Variants in COL25A1 observed in about 807,000 individuals in gnomAD.
The protein encoded by COL25A1 is collagen type XXV alpha 1 chain.
In COL25A1, 103 loss-of-function variants were observed where a neutral mutation model predicts 128.4. The observed-to-expected ratio is 0.80, with a 90% confidence interval of 0.68 to 0.94. COL25A1 has a LOEUF of 0.94. COL25A1 is among the 40% of genes least tolerant of loss of function. The probability of loss-of-function intolerance (pLI) is 0.00; values close to 1 mark genes in which losing one functional copy is unlikely to be tolerated. For synonymous variants in COL25A1, 279 were observed against 277.2 expected, an observed-to-expected ratio of 1.01 and a Z score of -0.06; for missense variants, 745 against 840.0, an observed-to-expected ratio of 0.89 and a Z score of 1.40.
Position 108,901,118 on chromosome 4 carries a change from C to G in COL25A1, c.834+1G>C. The G allele has an allele frequency of 1.9e-6, 3 of 1,610,570 alleles. No homozygotes were observed. Among genetic ancestry groups the G allele is most frequent in the Non-Finnish European group, 2.5e-6 (3 of 1,177,140 alleles). ...TTCTGCTTGGCTTTATTTGTACTAACCTTAGGTCCTGGTATTCCATTCTGT... is the reference window on the plus strand; with the variant it reads ...TTCTGCTTGGCTTTATTTGTACTAAGCTTAGGTCCTGGTATTCCATTCTGT... On this transcript the variant is annotated splice_donor_variant, in intron 14 of 37. Coordinates refer to ENST00000399132, the MANE Select transcript of COL25A1 (RefSeq NM_198721.4). LOFTEE classifies it high-confidence loss of function.
intron 3 of COL25A1, among the ~76,000 whole-genome samples, chr4:109,128,970 AAC>A (rs1768899617): frequency 6.6e-6 from 1 of 152,176 alleles, no homozygotes; most frequent in South Asian, 2.1e-4. Flanking sequence ...GAGATTTTAA[AAC>A]ACAGATTCGC....
chr4:108,883,153 T>C (rs1220670330), intron 19 of COL25A1, among the ~76,000 whole-genome samples: 1 of 152,064 alleles, frequency 6.6e-6, no homozygotes, highest in African/African-American at 2.4e-5. Context: ...GAGAGCCTCC[T>C]GCCTCAGCCT....
rs1742793075 is a variant in COL25A1 at position 108,901,112 on chromosome 4, T to C, written c.834+7A>G. 1.2e-6 allele frequency: 2 copies of C among 1,607,860 alleles called. No homozygotes were observed. Among genetic ancestry groups the C allele is most frequent in the South Asian group, 1.1e-5 (1 of 90,818 alleles). On this transcript the variant is annotated splice_region_variant and intron_variant, in intron 14 of 37. Coordinates refer to ENST00000399132, the MANE Select transcript of COL25A1 (RefSeq NM_198721.4). ...AAATGATTCTGCTTGGCTTTATTTG[T>C]ACTAACCTTAGGTCCTGGTATTCCA...
At chr4:108,817,942 C>G (rs1415541131) in intron 36 of COL25A1, among the ~76,000 whole-genome samples, 2 of 152,112 alleles carry the variant, frequency 1.3e-5, no homozygotes, top group Non-Finnish European at 2.9e-5. Context: ...AAAGTAAATA[C>G]AGTAGAACAT....
chr4:109,113,271 A>T (rs1039397623), intron 3 of COL25A1, among the ~76,000 whole-genome samples: 2 of 152,084 alleles, frequency 1.3e-5, no homozygotes, highest in African/African-American at 4.8e-5. Flanking sequence ...CTGGGAAGAG[A>T]TTTGTCACCA....
intron 3 of COL25A1, among the ~76,000 whole-genome samples, chr4:109,154,528 G>C (rs926713130): frequency 6.6e-6 from 1 of 152,172 alleles, no homozygotes; most frequent in Non-Finnish European, 1.5e-5. Flanking sequence ...GGACTGCATG[G>C]TGTGACTGTT....
intron 3 of COL25A1, among the ~76,000 whole-genome samples, chr4:109,120,049 T>C (rs1409089586): frequency 1.3e-5 from 2 of 152,102 alleles, no homozygotes; most frequent in Non-Finnish European, 2.9e-5. Context: ...GGTCTGCATC[T>C]ATAGATTCAG....
At chr4:109,242,323 C>A (rs1179706777) in intron 3 of COL25A1, among the ~76,000 whole-genome samples, 3 of 152,084 alleles carry the variant, frequency 2.0e-5, no homozygotes, top group Non-Finnish European at 4.4e-5. Context: ...AAGGCAAATA[C>A]TAACCTTGGA....
rs535820725 is a variant in COL25A1, at chr4:108,841,463, T to C, written c.1656+232A>G. Among the ~76,000 whole-genome samples, 13 of 152,258 alleles carry C rather than the reference T, an allele frequency of 8.5e-5. 1 individual carries two copies. In the South Asian group the frequency reaches 2.3e-3, roughly 27 times the overall value. ...ATGATTTGTAATTTGAGAGGTTACA[T>C]AGTGACCAGGAAAAAGGCAAAATGA... On this transcript the variant is annotated intron_variant, in intron 31 of 37. Transcript: ENST00000399132.
intron 3 of COL25A1, among the ~76,000 whole-genome samples, chr4:109,118,363 A>G (rs978035748): frequency 8.0e-5 from 9 of 112,142 alleles, no homozygotes; most frequent in African/African-American, 1.9e-4. Flanking sequence ...AAACATTCGC[A>G]CCACAAAAAA....
chr4:109,031,725 G>A (rs1037967711), intron 5 of COL25A1, among the ~76,000 whole-genome samples: 1 of 152,158 alleles, frequency 6.6e-6, no homozygotes, highest in Non-Finnish European at 1.5e-5. Context: ...GCTCCAGCCT[G>A]TGTAGAGGCC....
intron 8 of COL25A1, among the ~76,000 whole-genome samples, chr4:108,969,997 G>C (rs1176232772): frequency 6.6e-6 from 1 of 152,128 alleles, no homozygotes. Flanking sequence ...CACCTACCAG[G>C]TTCAAGTGAT....
rs559343930 is a variant in COL25A1 at position 109,184,473 on chromosome 4, C to G, written c.367+116110G>C. ...CGAAGTGTTAGACACCAAGGTAAGA[C>G]GCAAGCCGGCTGCACTGGCTCCTAG... On this transcript the variant is annotated intron_variant, in intron 3 of 37. Transcript: ENST00000399132. Among the ~76,000 whole-genome samples the G allele has an allele frequency of 3.3e-4, 50 of 152,240 alleles. 1 individual carries two copies. The South Asian group carries it at 9.7e-3, about 30-fold the overall frequency.
chr4:109,154,728 G>A (rs1168261344), intron 3 of COL25A1, among the ~76,000 whole-genome samples: 3 of 151,906 alleles, frequency 2.0e-5, no homozygotes, highest in Non-Finnish European at 4.4e-5. Context: ...GGTGGAAAAC[G>A]AAAAAACATC....
In COL25A1 at chr4:108,813,289, A is replaced by C. The variant is rs1048368034; in HGVS notation, c.*638T>G. ...ACAAATTGTGTGTGTGCTCTCCGCC[A>C]CCTTATCTCTTTTTGGCAATAAGCC... On this transcript the variant is annotated 3_prime_UTR_variant, in exon 38 of 38. Coordinates refer to ENST00000399132, the MANE Select transcript of COL25A1 (RefSeq NM_198721.4). 4 of 152,278 alleles carry C rather than the reference A, an allele frequency of 2.6e-5. No individual in the cohort carries two copies. The highest frequency in any genetic ancestry group is 1.3e-4 in the Admixed American group (2 of 15,292). The allele number at this position is 152,278 out of a possible 1,614,324, so 9.4% of individuals were successfully genotyped here. A position where few individuals can be genotyped will look rare whatever the true frequency, so the allele number is the denominator to read the frequency against.
At chr4:108,936,689 G>GT (rs1248709451) in intron 11 of COL25A1, among the ~76,000 whole-genome samples, 1 of 151,680 alleles carries the variant, frequency 6.6e-6, no homozygotes, top group Non-Finnish European at 1.5e-5. Flanking sequence ...AAAGGCAGCT[G>GT]TACCTACAGC....
chr4:109,239,424 T>TA (rs1560914982), intron 3 of COL25A1, among the ~76,000 whole-genome samples: 92 of 107,058 alleles, frequency 8.6e-4, no homozygotes, highest in African/African-American at 3.0e-3. Context: ...ATATATATAT[T>TA]TATTTATTTA....
In COL25A1 at chr4:108,886,492, G is replaced by GTTTTTTTTT. The variant is rs535762905; in HGVS notation, c.976-2271_976-2270insAAAAAAAAA. 5.5e-5 allele frequency among the ~76,000 whole-genome samples: 6 copies of GTTTTTTTTT among 109,272 alleles called. 2 individuals carry two copies. The highest frequency in any genetic ancestry group is 2.4e-4 in the African/African-American group (6 of 24,920). The allele number at this position is 109,272 out of a possible 152,430, so 71.7% of individuals were successfully genotyped here. A position where few individuals can be genotyped will look rare whatever the true frequency, so the allele number is the denominator to read the frequency against. ...TGTGTGTGTGTGTGTGTGTGTGTGT[G>GTTTTTTTTT]TTTAGCTCATCAGCTATTTTATGTG... On this transcript the variant is annotated intron_variant, in intron 18 of 37. Coordinates refer to ENST00000399132, the MANE Select transcript of COL25A1 (RefSeq NM_198721.4).
chr4:109,054,973 C>T (rs1042028774), intron 3 of COL25A1, among the ~76,000 whole-genome samples: 1 of 152,182 alleles, frequency 6.6e-6, no homozygotes, highest in Non-Finnish European at 1.5e-5. Flanking sequence ...GCGGATCATC[C>T]TTTCTGAACC....
Sources: gnomAD v4.1 joint callset for allele counts (sites outside exome capture counted in the v4.1 genomes callset) on GRCh38, gnomAD v4.1.1 for gene constraint, MANE v1.5 for transcripts, NCBI Gene and HGNC (gene_info 2026-07-23, HGNC 2026-07-21) for gene names.